The following BBS9 variants were observed in gnomAD, a reference collection of about 807,000 sequenced individuals.
BBS9 encodes protein PTHB1.
A neutral mutation model predicts 117.7 loss-of-function variants in BBS9; 89 were observed. The observed-to-expected ratio is 0.76, with a 90% CI of 0.64 to 0.90. BBS9 has a LOEUF of 0.90. Among genes scored for constraint, BBS9 ranks in the 40% least tolerant of loss-of-function variants. The pLI, the probability that BBS9 is intolerant of heterozygous loss-of-function variation, is 0.00. For missense variants in BBS9, 982 were observed against 1,042.2 expected (o/e 0.94, Z 0.80); for synonymous variants, 379 against 370.9 (o/e 1.02, Z -0.25).
At chr7:33,442,528 A>T (rs1426851253) in intron 19 of BBS9, among the ~76,000 whole-genome samples, 1 of 152,220 alleles carries the variant, frequency 6.6e-6, no homozygotes, top group Admixed American at 6.5e-5. Context: ...GGTGAACATT[A>T]ATAATGTTAG....
chr7:33,199,605 A>T (rs1311332917), intron 5 of BBS9, among the ~76,000 whole-genome samples: 1 of 151,574 alleles, frequency 6.6e-6, no homozygotes. Context: ...TTTTAATGTT[A>T]TACTTACTCA....
chr7:33,574,040 T>G (rs569066402), intron 21 of BBS9, among the ~76,000 whole-genome samples: 52 of 152,274 alleles, frequency 3.4e-4, no homozygotes, highest in African/African-American at 1.2e-3. Context: ...ATTGTGCATG[T>G]GGGGTCCCAG....
At chr7:33,165,614 T>C (rs1338318395) in intron 4 of BBS9, among the ~76,000 whole-genome samples, 1 of 152,198 alleles carries the variant, frequency 6.6e-6, no homozygotes, top group African/African-American at 2.4e-5. Flanking sequence ...TTCTTCCACT[T>C]GATTGAATCA....
rs550365121 is a variant in BBS9, at chr7:33,346,251, G to A, written c.1329+1617G>A. On this transcript the variant is annotated intron_variant, in intron 12 of 22. Transcript: ENST00000242067. ...GCAGCCAAGATATACAACCATGCAA[G>A]TTTCCATCATAATAAATCCTGTTAA... The A allele has an allele frequency of 1.6e-3, 760 of 469,582 alleles. 10 individuals are homozygous for A. Among genetic ancestry groups the A allele is most frequent in the South Asian group, 0.012 (744 of 63,616 alleles). The allele number at this position is 469,582 out of a possible 1,614,324, so 29.1% of individuals were successfully genotyped here. A position where few individuals can be genotyped will look rare whatever the true frequency, so the allele number is the denominator to read the frequency against.
intron 9 of BBS9, among the ~76,000 whole-genome samples, chr7:33,323,492 C>T (rs988899552): frequency 6.6e-6 from 1 of 151,532 alleles, no homozygotes; most frequent in Non-Finnish European, 1.5e-5. Context: ...TATATAATGA[C>T]TTCCTTCGTC....
intron 7 of BBS9, among the ~76,000 whole-genome samples, chr7:33,265,167 A>G (rs1798600079): frequency 6.6e-6 from 1 of 152,208 alleles, no homozygotes; most frequent in African/African-American, 2.4e-5. Flanking sequence ...CTGAGGATAC[A>G]CAAGAAGGAA....
chr7:33,612,336 A>G (rs1315963523), intron 21 of BBS9, among the ~76,000 whole-genome samples: 3 of 152,076 alleles, frequency 2.0e-5, no homozygotes, highest in Non-Finnish European at 2.9e-5. Context: ...TCACATGAGG[A>G]TGGATAGAGG....
At chr7:33,157,185 A>C (rs1209899261) in intron 4 of BBS9, among the ~76,000 whole-genome samples, 1 of 152,190 alleles carries the variant, frequency 6.6e-6, no homozygotes, top group East Asian at 1.9e-4. Context: ...ATGGGCCAAA[A>C]AGACAGATGC....
intron 19 of BBS9, among the ~76,000 whole-genome samples, chr7:33,490,306 A>T (rs532069057): frequency 2.2e-3 from 336 of 152,310 alleles, no homozygotes; most frequent in African/African-American, 7.8e-3. Context: ...GCTGAGTTTT[A>T]AAAAGATCAA....
intron 4 of BBS9, among the ~76,000 whole-genome samples, chr7:33,156,486 C>T (rs1794109808): frequency 2.0e-5 from 3 of 152,072 alleles, no homozygotes; most frequent in Admixed American, 2.0e-4. Flanking sequence ...TTGGATTTCT[C>T]AGACTTATTC....
At chr7:33,569,589 TAAA>T (rs140184306) in intron 21 of BBS9, among the ~76,000 whole-genome samples, 1 of 140,404 alleles carries the variant, frequency 7.1e-6, no homozygotes, top group Non-Finnish European at 1.6e-5. Flanking sequence ...CATCTCTACT[TAAA>T]AAAAAAAAAA....
At chr7:33,150,593 C>G (rs1443824701) in intron 2 of BBS9, among the ~76,000 whole-genome samples, 2 of 152,142 alleles carry the variant, frequency 1.3e-5, no homozygotes, top group Admixed American at 1.3e-4. Context: ...TTGAGGCAGA[C>G]AAATCCAGTT....
chr7:33,419,119 A>G (rs1413626534), intron 19 of BBS9, among the ~76,000 whole-genome samples: 1 of 151,964 alleles, frequency 6.6e-6, no homozygotes, highest in Non-Finnish European at 1.5e-5. Context: ...TTTAAAACCT[A>G]TAATTTAAGC....
At chr7:33,152,638 T>G in intron 2 of BBS9, 63 bp from the exon 3 acceptor site, 1 of 1,472,664 alleles carries the variant, frequency 6.8e-7, no homozygotes, top group Non-Finnish European at 9.4e-7. Flanking sequence ...GAAAGCTTAT[T>G]TCCTAAGAGA....
intron 21 of BBS9, among the ~76,000 whole-genome samples, chr7:33,580,400 A>G (rs1025931306): frequency 2.6e-5 from 4 of 152,054 alleles, no homozygotes. Flanking sequence ...TAGCATCTGT[A>G]TAATTGTAGT....
intron 5 of BBS9, among the ~76,000 whole-genome samples, chr7:33,181,674 A>T (rs769365900): frequency 1.3e-5 from 2 of 152,254 alleles, no homozygotes; most frequent in Non-Finnish European, 2.9e-5. Context: ...GAAAAATGGA[A>T]TAATACACCT....
At chr7:33,418,444 C>T (rs1832351538) in intron 19 of BBS9, among the ~76,000 whole-genome samples, 1 of 152,182 alleles carries the variant, frequency 6.6e-6, no homozygotes, top group South Asian at 2.1e-4. Context: ...TTCTGAAGCT[C>T]AGACTCGTGT....
intron 16 of BBS9, among the ~76,000 whole-genome samples, chr7:33,359,504 G>C (rs17170203): frequency 0.18 from 26,995 of 151,888 alleles, 2,566 homozygotes; most frequent in South Asian, 0.21. Flanking sequence ...ACTCACTTTA[G>C]GAATGGGACA....
At chr7:33,431,223 A>T (rs1834410699) in intron 19 of BBS9, among the ~76,000 whole-genome samples, 1 of 151,186 alleles carries the variant, frequency 6.6e-6, no homozygotes, top group African/African-American at 2.4e-5. Flanking sequence ...AAAAAAAAAA[A>T]TGGTACTGGT....
Sources: allele counts gnomAD v4.1 joint callset (sites outside exome capture counted in the v4.1 genomes callset), GRCh38; gene constraint gnomAD v4.1.1; transcripts MANE v1.5; gene names NCBI Gene and HGNC (gene_info 2026-07-23, HGNC 2026-07-21).